The following PARP16 variants were observed in gnomAD, a reference collection of about 807,000 sequenced individuals.
PARP16 encodes the protein protein mono-ADP-ribosyltransferase PARP16.
In PARP16, 31 loss-of-function variants were observed where a neutral mutation model predicts 35.0. The ratio of observed to expected loss-of-function variants is 0.88; its 90% confidence interval spans 0.66 to 1.19. The LOEUF is 1.19. PARP16 is among the 50% of genes most tolerant of loss of function. PARP16 has a pLI of 0.00. For synonymous variants in PARP16, 162 were observed against 169.5 expected, an observed-to-expected ratio of 0.96 and a Z score of 0.34; for missense variants, 424 against 411.2, an observed-to-expected ratio of 1.03 and a Z score of -0.27.
intron 3 of PARP16, among the ~76,000 whole-genome samples, chr15:65,264,907 C>T (rs1198610564): frequency 1.3e-5 from 2 of 152,174 alleles, no homozygotes; most frequent in South Asian, 2.1e-4. Flanking sequence ...CAGCAAACTC[C>T]CTGGGGCACT....
chr15:65,267,677 A>ATTTTTT, intron 2 of PARP16, among the ~76,000 whole-genome samples: 3 of 90,362 alleles, frequency 3.3e-5, no homozygotes, highest in African/African-American at 4.2e-5. Flanking sequence ...AATTTTCCTA[A>ATTTTTT]CTTTTTTTTT....
intron 2 of PARP16, 130 bp from the exon 3 acceptor site, chr15:65,266,898 A>C (rs1389630682): frequency 8.9e-6 from 6 of 673,688 alleles, no homozygotes; most frequent in Non-Finnish European, 1.6e-5. Flanking sequence ...TCATGAGGAT[A>C]GAGACATAAG....
chr15:65,269,536 A>T (rs927742927), intron 2 of PARP16, among the ~76,000 whole-genome samples: 2 of 152,204 alleles, frequency 1.3e-5, no homozygotes, highest in Non-Finnish European at 2.9e-5. Context: ...AAGCCAGTCT[A>T]TGGCAAAGTT....
chr15:65,252,666 A>G (rs2089390774), intron 2 of PARP16, among the ~76,000 whole-genome samples: 1 of 152,158 alleles, frequency 6.6e-6, no homozygotes, highest in African/African-American at 2.4e-5. Flanking sequence ...GACATGGTCA[A>G]AGCTCCTCCT....
chr15:65,281,138 T>C (rs999246592), intron 1 of PARP16, among the ~76,000 whole-genome samples: 1 of 152,110 alleles, frequency 6.6e-6, no homozygotes, highest in Non-Finnish European at 1.5e-5. Flanking sequence ...GAACATGCTA[T>C]TTCGGGAGGG....
chr15:65,232,766 A>T (rs574169066), downstream of PARP16, among the ~76,000 whole-genome samples: 1 of 152,048 alleles, frequency 6.6e-6, no homozygotes, highest in African/African-American at 2.4e-5. Context: ...ATAAATAAAT[A>T]AAAAATGGGC....
intron 1 of PARP16, among the ~76,000 whole-genome samples, chr15:65,279,987 G>C (rs187931956): frequency 7.0e-4 from 106 of 151,882 alleles, no homozygotes; most frequent in Admixed American, 1.3e-3. Context: ...CACAACTCCT[G>C]CTTGAGACCA....
At chr15:65,280,752 C>G (rs2090397277) in intron 1 of PARP16, among the ~76,000 whole-genome samples, 1 of 152,026 alleles carries the variant, frequency 6.6e-6, no homozygotes, top group African/African-American at 2.4e-5. Flanking sequence ...TTAACCCAGA[C>G]ACTGGGGAGT....
At chr15:65,248,115 AC>A (rs1360186592) in intron 3 of PARP16, 1 of 455,198 alleles carries the variant, frequency 2.2e-6, no homozygotes, top group Non-Finnish European at 4.4e-6. Flanking sequence ...GATTGTTCTT[AC>A]CTCTCTACTT....
chr15:65,260,710 C>T (rs562474079), intron 5 of PARP16, among the ~76,000 whole-genome samples, 175 bp downstream of exon 5: 11 of 152,314 alleles, frequency 7.2e-5, no homozygotes, highest in Admixed American at 3.9e-4. Flanking sequence ...CTCTTAGGGT[C>T]GGGACCACAT....
At chr15:65,272,409 G>T (rs933204101) in intron 1 of PARP16, among the ~76,000 whole-genome samples, 1 of 152,168 alleles carries the variant, frequency 6.6e-6, no homozygotes, top group African/African-American at 2.4e-5. Flanking sequence ...TAGCAACAAA[G>T]TATCTGTAGC....
rs539399745 is a variant in PARP16 at position 65,259,328 on chromosome 15, G to A, written c.*79C>T. 9.2e-4 allele frequency: 1,355 copies of A among 1,467,542 alleles called. 18 individuals carry two copies. In the South Asian group the frequency reaches 0.015, roughly 16 times the overall value. 90.9% of individuals were successfully genotyped at this position (1,467,542 alleles called of 1,614,324 possible). A position where few individuals can be genotyped will look rare whatever the true frequency, so the allele number is the denominator to read the frequency against. ...CTGGCCCCTAGGCTCAACCTGGCTGGACATGAGGCATAGGAGGTACAGAAC... is the reference window on the plus strand; with the variant it reads ...CTGGCCCCTAGGCTCAACCTGGCTGAACATGAGGCATAGGAGGTACAGAAC... On this transcript the variant is annotated 3_prime_UTR_variant, in exon 6 of 6. Transcript: ENST00000649807.
chr15:65,252,946 T>C (rs2140787282), intron 2 of PARP16, among the ~76,000 whole-genome samples: 1 of 152,194 alleles, frequency 6.6e-6, no homozygotes, highest in East Asian at 1.9e-4. Flanking sequence ...CTGGCCAACA[T>C]GGTGAAACCT....
At chr15:65,246,979 G>A (rs2089225556) in intron 3 of PARP16, among the ~76,000 whole-genome samples, 1 of 150,364 alleles carries the variant, frequency 6.7e-6, no homozygotes, top group Non-Finnish European at 1.5e-5. Context: ...CTATGTGCCT[G>A]GCATCATGCT....
intron 1 of PARP16, 106 bp downstream of exon 1, chr15:65,286,147 G>A: frequency 1.1e-6 from 1 of 930,910 alleles, no homozygotes; most frequent in South Asian, 2.1e-5. Context: ...TGGAAAGTCT[G>A]GCGGCTGTCA....
At position 65,236,214 on chromosome 15, in the gene PARP16, A is replaced by G. The variant is rs962446970; in HGVS notation, c.*98-1391T>C. Among the ~76,000 whole-genome samples, 44 of 152,192 alleles carry G rather than the reference A, an allele frequency of 2.9e-4. 1 individual carries two copies. The highest frequency in any genetic ancestry group is 1.1e-3 in the African/African-American group (44 of 41,442). ...CCTTTCTGTTTGTCAAGCACTGGAC[A>G]AGGCACTTAGAATAGAACGGTGAAT... On this transcript the variant is annotated intron_variant and NMD_transcript_variant, in intron 3 of 3. Transcript: ENST00000559805.
rs1210514740 is a variant in PARP16, at chr15:65,286,543, C to CCTGG, written c.-121_-118dup. The CCTGG allele has an allele frequency of 2.6e-5, 19 of 734,870 alleles. No homozygotes were observed. The highest frequency in any genetic ancestry group is 3.7e-5 in the Non-Finnish European group (18 of 487,042). The allele number at this position is 734,870 out of a possible 1,614,324, so 45.5% of individuals were successfully genotyped here. A position where few individuals can be genotyped will look rare whatever the true frequency, so the allele number is the denominator to read the frequency against. On this transcript the variant is annotated 5_prime_UTR_variant, in exon 1 of 6. Coordinates refer to ENST00000649807, the MANE Select transcript of PARP16 (RefSeq NM_001316943.2). The stretch of plus-strand genomic sequence containing the variant: ...GGCCGTCAGGGGCCGGGTTCCCAAG[C>CCTGG]CTGGGGTGGAGCTAGGCAGGGGGCT...
chr15:65,247,104 C>A (rs2089229200), intron 3 of PARP16, among the ~76,000 whole-genome samples: 1 of 152,084 alleles, frequency 6.6e-6, no homozygotes, highest in Admixed American at 6.6e-5. Context: ...AGTCTTCCAG[C>A]CTTAGCCTCC....
At chr15:65,278,356 G>A (rs906937887) in intron 1 of PARP16, among the ~76,000 whole-genome samples, 5 of 152,188 alleles carry the variant, frequency 3.3e-5, no homozygotes, top group East Asian at 1.9e-4. Context: ...CCCAGTTTCC[G>A]AAAAGCTAGA....
Sources: gnomAD v4.1 joint callset for allele counts (sites outside exome capture counted in the v4.1 genomes callset) on GRCh38, gnomAD v4.1.1 for gene constraint, MANE v1.5 for transcripts, NCBI Gene and HGNC (gene_info 2026-07-23, HGNC 2026-07-21) for gene names.